Variants in SCARA5 observed in about 807,000 individuals in gnomAD.
SCARA5 encodes the protein scavenger receptor class A member 5.
A neutral mutation model predicts 46.3 loss-of-function variants in SCARA5; 45 were observed. The observed-to-expected ratio is 0.97, with a 90% CI of 0.76 to 1.24. The LOEUF (loss-of-function observed/expected upper bound fraction) is 1.24. Among genes scored for constraint, SCARA5 ranks in the 50% most tolerant of loss-of-function variants. SCARA5 has a pLI of 0.00. For synonymous variants in SCARA5, 333 were observed against 306.5 expected (o/e 1.09, Z -0.90); for missense variants, 680 against 689.0 (o/e 0.99, Z 0.15).
chr8:27,976,939 C>A (rs946340068), intron 2 of SCARA5, among the ~76,000 whole-genome samples: 6 of 152,328 alleles, frequency 3.9e-5, no homozygotes, highest in African/African-American at 1.4e-4. Flanking sequence ...AGCCCTCAGT[C>A]CTGGCTTAGC....
At chr8:27,959,384 A>C (rs1039985008) in intron 3 of SCARA5, among the ~76,000 whole-genome samples, 1 of 152,140 alleles carries the variant, frequency 6.6e-6, no homozygotes, top group Non-Finnish European at 1.5e-5. Flanking sequence ...TGTTGGGAGG[A>C]TGGCTATTCT....
intron 2 of SCARA5, among the ~76,000 whole-genome samples, chr8:27,975,923 T>A (rs564251824): frequency 6.6e-6 from 1 of 152,324 alleles, no homozygotes; most frequent in African/African-American, 2.4e-5. Context: ...ATGCAGATTT[T>A]ACGATGGTCT....
chr8:27,984,601 C>A (rs1808674197), intron 2 of SCARA5, among the ~76,000 whole-genome samples: 1 of 152,030 alleles, frequency 6.6e-6, no homozygotes, highest in Non-Finnish European at 1.5e-5. Context: ...TTCATCCATC[C>A]ATTCATCCAT....
intron 7 of SCARA5, among the ~76,000 whole-genome samples, chr8:27,899,024 T>A (rs1807109514): frequency 3.9e-5 from 6 of 152,224 alleles, no homozygotes. Context: ...GTGTCCTTTA[T>A]AATAAACTGA....
intron 3 of SCARA5, 114 bp from the exon 4 acceptor site, chr8:27,922,359 C>T (rs1213828446): frequency 2.4e-5 from 15 of 633,510 alleles, no homozygotes; most frequent in African/African-American, 9.3e-5. Flanking sequence ...AAATGATAGA[C>T]GAATAAAATC....
chr8:27,915,445 C>A (rs1260250144), intron 4 of SCARA5, among the ~76,000 whole-genome samples: 1 of 152,154 alleles, frequency 6.6e-6, no homozygotes, highest in Non-Finnish European at 1.5e-5. Context: ...CAGCCCAGGC[C>A]ATGCTCCTCA....
chr8:27,958,078 G>A (rs1182131029), intron 3 of SCARA5, among the ~76,000 whole-genome samples: 1 of 152,234 alleles, frequency 6.6e-6, no homozygotes, highest in Non-Finnish European at 1.5e-5. Context: ...GCAGTGGGAT[G>A]GAGCTGAGAG....
chr8:27,983,148 AAG>A (rs1462524074), intron 2 of SCARA5, among the ~76,000 whole-genome samples: 2 of 152,108 alleles, frequency 1.3e-5, no homozygotes, highest in Non-Finnish European at 2.9e-5. Flanking sequence ...AAGCCCATAA[AAG>A]AGGGACTCCT....
At chr8:27,939,044 G>A (rs1255132211) in intron 3 of SCARA5, among the ~76,000 whole-genome samples, 2 of 152,130 alleles carry the variant, frequency 1.3e-5, no homozygotes, top group Non-Finnish European at 2.9e-5. Context: ...TGATTGTCAG[G>A]CACTATGTTG....
At position 27,904,667 on chromosome 8, in the gene SCARA5, G is replaced by T. The variant is rs1425671530; in HGVS notation, c.1153+111C>A. 3.0e-6 allele frequency: 3 copies of T among 986,474 alleles called. No homozygotes were observed. The East Asian group carries it at 7.1e-5, about 23-fold the overall frequency. 61.1% of individuals were successfully genotyped at this position (986,474 alleles called of 1,614,324 possible). A position where few individuals can be genotyped will look rare whatever the true frequency, so the allele number is the denominator to read the frequency against. ...AGGTAGGGAGCCTCCTTTGACACTTGAGCCCCAGCCATGGCTCCAGCCTCT... is the reference window on the plus strand; with the variant it reads ...AGGTAGGGAGCCTCCTTTGACACTTTAGCCCCAGCCATGGCTCCAGCCTCT... On this transcript the variant is annotated intron_variant, in intron 7 of 8. Coordinates refer to ENST00000354914, the MANE Select transcript of SCARA5 (RefSeq NM_173833.6).
At chr8:27,915,807 G>T (rs553889490) in intron 4 of SCARA5, among the ~76,000 whole-genome samples, 2 of 152,254 alleles carry the variant, frequency 1.3e-5, no homozygotes, top group South Asian at 4.2e-4. Context: ...AAAAAGAGTG[G>T]ACTGGATGAT....
intron 2 of SCARA5, among the ~76,000 whole-genome samples, chr8:27,977,619 T>C (rs538319364): frequency 6.6e-6 from 1 of 152,216 alleles, no homozygotes; most frequent in Admixed American, 6.5e-5. Flanking sequence ...CTTCTAGAAC[T>C]TTCCCTCTCC....
chr8:27,909,892 G>A (rs1015719624), intron 4 of SCARA5, 149 bp from the exon 5 acceptor site: 33 of 554,414 alleles, frequency 6.0e-5, no homozygotes, highest in African/African-American at 1.4e-4. Context: ...GCCCAGTCTC[G>A]GGGGGCATCA....
At chr8:27,935,507 G>A (rs1401796534) in intron 3 of SCARA5, among the ~76,000 whole-genome samples, 1 of 152,198 alleles carries the variant, frequency 6.6e-6, no homozygotes, top group Non-Finnish European at 1.5e-5. Context: ...TCTGGGAGCA[G>A]GTCTCTAGGG....
chr8:27,976,122 G>T (rs537218956), intron 2 of SCARA5, among the ~76,000 whole-genome samples: 2 of 152,232 alleles, frequency 1.3e-5, no homozygotes, highest in Admixed American at 1.3e-4. Context: ...CGCAGCCGGG[G>T]CTGAGGGGTG....
rs1431531784 is a variant in SCARA5 at position 27,909,736 on chromosome 8, C to T, written c.924G>A (p.Pro308=). 1.4e-5 allele frequency: 22 copies of T among 1,550,910 alleles called. No homozygotes were observed. The highest frequency in any genetic ancestry group is 1.4e-4 in the African/African-American group (10 of 72,954). The change falls in exon 5 of 9, where the codon CCG becomes CCA. Residue 308 remains proline (P), a synonymous_variant. Transcript: ENST00000354914. Reference sequence around the variant, plus strand: ...CATCCCCCTGATCACCTTTGGGTCCCGGTGGCCCTGGAAAGGCAAAAACAG... The same window carrying T: ...CATCCCCCTGATCACCTTTGGGTCCTGGTGGCCCTGGAAAGGCAAAAACAG... ...LRNISLAKGP[P]GPKGDQGDEG... is the part of the protein sequence containing the mutation.
At chr8:27,917,433 GC>G (rs1296236632) in intron 4 of SCARA5, among the ~76,000 whole-genome samples, 1 of 152,164 alleles carries the variant, frequency 6.6e-6, no homozygotes, top group Non-Finnish European at 1.5e-5. Context: ...TTAGCAGGAG[GC>G]ATGGTGACGT....
intron 3 of SCARA5, among the ~76,000 whole-genome samples, chr8:27,931,307 T>A (rs1807769246): frequency 6.6e-6 from 1 of 152,128 alleles, no homozygotes; most frequent in Admixed American, 6.5e-5. Context: ...GGTGATGAAT[T>A]TATCTCTGAA....
chr8:27,890,620 C>T (rs560265893), intron 7 of SCARA5, among the ~76,000 whole-genome samples: 1 of 152,320 alleles, frequency 6.6e-6, no homozygotes, highest in Non-Finnish European at 1.5e-5. Context: ...CAGTCTCAAC[C>T]TCCAGTGCCT....
Sources: gnomAD v4.1 joint callset for allele counts (sites outside exome capture counted in the v4.1 genomes callset) on GRCh38, gnomAD v4.1.1 for gene constraint, MANE v1.5 for transcripts, NCBI Gene and HGNC (gene_info 2026-07-23, HGNC 2026-07-21) for gene names.